The following DICER1 variants were observed in gnomAD, a reference collection of about 807,000 sequenced individuals.
DICER1 encodes endoribonuclease Dicer.
A neutral mutation model predicts 194.1 loss-of-function variants in DICER1; 43 were observed. The observed-to-expected ratio is 0.22, with a 90% CI of 0.17 to 0.29. DICER1 has a LOEUF of 0.29. Among genes scored for constraint, DICER1 ranks in the 10% least tolerant of loss-of-function variants. The pLI is 1.00. For synonymous variants in DICER1, 832 were observed against 820.5 expected (o/e 1.01, Z -0.24); for missense variants, 1,608 against 2,317.0 (o/e 0.69, Z 6.28).
At position 95,088,448 on chromosome 14, in the gene DICER1, C is replaced by G. The variant is rs182848457; in HGVS notation, c.*2050G>C. 2.6e-3 allele frequency: 602 copies of G among 232,430 alleles called. 4 individuals are homozygous for G. The highest frequency in any genetic ancestry group is 0.024 in the Middle Eastern group (19 of 778). 14.4% of individuals were successfully genotyped at this position (232,430 alleles called of 1,614,324 possible). ...AAATATTAAGAGATTTGTGATTAAACTTGATCACAAATCACCCTCAGAATA... is the reference window on the plus strand; with the variant it reads ...AAATATTAAGAGATTTGTGATTAAAGTTGATCACAAATCACCCTCAGAATA... On this transcript the variant is annotated 3_prime_UTR_variant, in exon 27 of 27. Transcript: ENST00000343455.
intron 7 of DICER1, among the ~76,000 whole-genome samples, chr14:95,126,169 C>T (rs1893443927): frequency 6.6e-6 from 1 of 152,162 alleles, no homozygotes; most frequent in Non-Finnish European, 1.5e-5. Flanking sequence ...GGATCACTGT[C>T]CTAAGGGATC....
intron 12 of DICER1, 149 bp from the exon 13 acceptor site, chr14:95,112,396 T>G (rs1454135325): frequency 1.9e-5 from 13 of 701,528 alleles, no homozygotes; most frequent in Non-Finnish European, 3.2e-5. Flanking sequence ...CAGCAAGTTT[T>G]TAAAAATTCT....
At chr14:95,095,504 G>T (rs1890227118) in intron 23 of DICER1, 1 of 368,302 alleles carries the variant, frequency 2.7e-6, no homozygotes, top group Non-Finnish European at 5.1e-6. Flanking sequence ...GAATGGGCAA[G>T]AGAAAGATAT....
At chr14:95,104,380 C>T (rs1891222390) in intron 20 of DICER1, among the ~76,000 whole-genome samples, 1 of 152,208 alleles carries the variant, frequency 6.6e-6, no homozygotes, top group South Asian at 2.1e-4. Flanking sequence ...TGCAGGCATC[C>T]TGCAGGACCT....
intron 8 of DICER1, among the ~76,000 whole-genome samples, chr14:95,122,948 GCACACA>G (rs1224198249): frequency 7.5e-6 from 1 of 132,638 alleles, no homozygotes; most frequent in Non-Finnish European, 1.6e-5. Flanking sequence ...GCGCGCGCGC[GCACACA>G]CACACAAAGA....
chr14:95,105,982 G>A lies in DICER1; in HGVS notation c.2987+59C>T. On this transcript the variant is annotated intron_variant, in intron 18 of 26. Transcript: ENST00000343455. This position sits in a 1 kb window ranked among gnomAD's most constrained non-coding sequence, Gnocchi z 4.9. ...GGGACAGTGAACCTCTGCATGTCTA[G>A]TGATGTCTGGTAAGAATCCCTCAAG... The A allele has an allele frequency of 6.4e-7, 1 of 1,568,078 alleles. No individual in the cohort carries two copies.
chr14:95,152,630 C>T (rs1306905477), intron 1 of DICER1, among the ~76,000 whole-genome samples: 2 of 152,206 alleles, frequency 1.3e-5, no homozygotes, highest in African/African-American at 4.8e-5. Flanking sequence ...CTTCTAGTAA[C>T]AGTCTTACTG....
chr14:95,132,799 CA>C (rs149205966), intron 2 of DICER1, 122 bp from the exon 3 acceptor site: 38 of 912,236 alleles, frequency 4.2e-5, no homozygotes, highest in Non-Finnish European at 6.1e-5. Context: ...AATAAATTTA[CA>C]AAAAAAACCC....
chr14:95,130,249 A>G lies in DICER1; in HGVS notation c.439-57T>C, dbSNP rs1247168730. 5.8e-6 allele frequency: 9 copies of G among 1,541,326 alleles called. No homozygotes were observed. In the African/African-American group the frequency reaches 1.2e-4, roughly 21 times the overall value. The stretch of plus-strand genomic sequence containing the variant: ...TAGCATTCACTGCCTGGATATACTT[A>G]CATAAAATCAGATCATAGAGCCATT... On this transcript the variant is annotated intron_variant, in intron 4 of 26. Transcript: ENST00000343455.
chr14:95,130,917 T>C (rs1263872684), intron 4 of DICER1, among the ~76,000 whole-genome samples: 1 of 152,222 alleles, frequency 6.6e-6, no homozygotes, highest in Non-Finnish European at 1.5e-5. Context: ...GAAAGCGCAT[T>C]ATCAGCAAGT....
In DICER1 at chr14:95,096,508, G is replaced by A. The variant is rs1060503657; in HGVS notation, c.4412C>T (p.Pro1471Leu). 25 of 1,613,914 alleles carry A rather than the reference G, an allele frequency of 1.5e-5. No homozygotes were observed. Among genetic ancestry groups the A allele is most frequent in the Non-Finnish European group, 2.1e-5 (25 of 1,179,938 alleles). ...ATATGCAGAATCAGTGGTTGAAAAA[G>A]GAGAAAGAGAGATTTTCTTTACAAA... ...GAFVKKISLS[P>L]FSTTDSAYEW... Residue 1471 changes from proline to leucine, a missense_variant, in exon 23 of 27, where the codon CCT (proline) becomes CTT (leucine). By Grantham distance (98) the Pro-to-Leu change is moderately conservative. Around this residue, in one of 10 missense-constraint regions of DICER1, gnomAD observed 164 missense variants for 183.7 expected, o/e 0.89. Coordinates refer to ENST00000343455, the MANE Select transcript of DICER1 (RefSeq NM_177438.3).
rs1893170583 is a variant in DICER1, at chr14:95,124,079, A to T, written c.1376+117T>A. The T allele has an allele frequency of 1.3e-6, 1 of 749,170 alleles. No homozygotes were observed. Among genetic ancestry groups the T allele is most frequent in the Admixed American group, 2.2e-5 (1 of 46,000 alleles). The allele number at this position is 749,170 out of a possible 1,614,324, so 46.4% of individuals were successfully genotyped here. A position where few individuals can be genotyped will look rare whatever the true frequency, so the allele number is the denominator to read the frequency against. On this transcript the variant is annotated intron_variant, in intron 8 of 26. Transcript: ENST00000343455. This position sits in a 1 kb window ranked among gnomAD's most constrained non-coding sequence, Gnocchi z 4.5. Reference sequence around the variant, plus strand: ...ATGACGTATCAGCAATGATGGCGCCAAGTCAAGGACACTTACATAACCCTC... The same window carrying T: ...ATGACGTATCAGCAATGATGGCGCCTAGTCAAGGACACTTACATAACCCTC...
chr14:95,111,301 T>G lies in DICER1; in HGVS notation c.2256+16A>C, dbSNP rs766005876. 6 of 1,614,096 alleles carry G rather than the reference T, an allele frequency of 3.7e-6. No homozygotes were observed. In the South Asian group the frequency reaches 6.6e-5, roughly 18 times the overall value. On this transcript the variant is annotated intron_variant, in intron 14 of 26. Transcript: ENST00000343455. ...CAGAAATGCTAGGTTTTTACTCTGT[T>G]CTAACCAATACTAACTGCTTTTGGG... is the stretch of plus-strand genomic sequence containing the variant.
At chr14:95,136,517 T>A (rs1474199445) in intron 1 of DICER1, 1 of 152,200 alleles carries the variant, frequency 6.6e-6, no homozygotes, top group South Asian at 2.1e-4. Context: ...GCTAATTTTT[T>A]AATTTTTTGT....
intron 1 of DICER1, among the ~76,000 whole-genome samples, chr14:95,150,646 T>C (rs576609413): frequency 3.9e-5 from 6 of 152,296 alleles, no homozygotes; most frequent in South Asian, 2.1e-4. Context: ...GCTAAAACCA[T>C]TGGGTGAAGG....
At chr14:95,147,500 G>A (rs1895214327) in intron 1 of DICER1, among the ~76,000 whole-genome samples, 2 of 152,070 alleles carry the variant, frequency 1.3e-5, no homozygotes, top group African/African-American at 2.4e-5. Context: ...CACAAAATGT[G>A]GTAACATTTA....
rs766285402 is a variant in DICER1 at position 95,091,348 on chromosome 14, C to G, written c.5382G>C (p.Glu1794Asp). 11 of 1,614,070 alleles carry G rather than the reference C, an allele frequency of 6.8e-6. No homozygotes were observed. Among genetic ancestry groups the G allele is most frequent in the East Asian group, 2.2e-5 (1 of 44,874 alleles). ...CAATATCCTCTTCTTTCTCTTCATC[C>G]TCCTCAGATCTCCTAAGCTATTACA... ...GMDSELRRSEEDEEKEEDIEV... is the reference protein window; with the variant it reads ...GMDSELRRSEDDEEKEEDIEV... The change falls in exon 25 of 27, where the codon GAG (glutamate) becomes GAC (aspartate). Residue 1794 changes from glutamate (E) to aspartate (D), a missense_variant. Transcript: ENST00000343455.
chr14:95,146,149 C>T (rs1895119395), intron 1 of DICER1, among the ~76,000 whole-genome samples: 1 of 152,222 alleles, frequency 6.6e-6, no homozygotes, highest in South Asian at 2.1e-4. Context: ...TGAAACCCCA[C>T]CTTCAAATCA....
At position 95,086,229 on chromosome 14, in the gene DICER1, G is replaced by A. The variant is rs1188193309; in HGVS notation, c.*4269C>T. 1 of 231,444 alleles carries A rather than the reference G, an allele frequency of 4.3e-6. No individual in the cohort carries two copies. The highest frequency in any genetic ancestry group is 2.2e-5 in the African/African-American group (1 of 45,212). The allele number at this position is 231,444 out of a possible 1,614,324, so 14.3% of individuals were successfully genotyped here. On this transcript the variant is annotated 3_prime_UTR_variant, in exon 27 of 27. Coordinates refer to ENST00000343455, the MANE Select transcript of DICER1 (RefSeq NM_177438.3). ...GAAAAAAGATGAAAGGACACAAAGTGAACAGACGATAACTTTATTGGAGAT... is the reference window on the plus strand; with the variant it reads ...GAAAAAAGATGAAAGGACACAAAGTAAACAGACGATAACTTTATTGGAGAT...
Sources: gnomAD v4.1 joint callset for allele counts (sites outside exome capture counted in the v4.1 genomes callset) on GRCh38, gnomAD v4.1.1 for gene constraint, gnomAD v4.1.1 regional missense constraint, Gnocchi (gnomAD v3.1) non-coding constraint, MANE v1.5 for transcripts, NCBI Gene and HGNC (gene_info 2026-07-23, HGNC 2026-07-21) for gene names.